The following KLF7 variants were observed in gnomAD, a reference collection of about 807,000 sequenced individuals.
The protein encoded by KLF7 is Krueppel-like factor 7.
KLF7 carries 2 observed loss-of-function variants against 27.3 expected under a neutral mutation model. That is an observed-to-expected ratio of 0.07 (90% CI 0.03 to 0.23). The LOEUF (loss-of-function observed/expected upper bound fraction) is 0.23, where lower values mean the gene tolerates loss of function less well. Among genes scored for constraint, KLF7 ranks in the 10% least tolerant of loss-of-function variants. The pLI, the probability that KLF7 is intolerant of heterozygous loss-of-function variation, is 1.00. For synonymous variants in KLF7, 165 were observed against 162.4 expected (o/e 1.02, Z -0.12); for missense variants, 221 against 394.1 (o/e 0.56, Z 3.72).
intron 1 of KLF7, among the ~76,000 whole-genome samples, chr2:207,130,307 C>T (rs1034161306): frequency 6.6e-6 from 1 of 152,226 alleles, no homozygotes; most frequent in Non-Finnish European, 1.5e-5. Context: ...AGAAAATACG[C>T]TGACTGTCAA....
chr2:207,166,262 G>C (rs752374899), upstream of KLF7: 603 of 884,276 alleles, frequency 6.8e-4, 1 homozygote, highest in Non-Finnish European at 6.9e-4. Flanking sequence ...CCTGGGGCGG[G>C]GCTTGGCCCT....
chr2:207,103,074 C>G (rs1468189918), intron 2 of KLF7, among the ~76,000 whole-genome samples: 1 of 152,042 alleles, frequency 6.6e-6, no homozygotes, highest in African/African-American at 2.4e-5. Context: ...ATTACAGGTG[C>G]CCGCCACCAC....
At chr2:207,123,441 C>T (rs2077393046) in intron 2 of KLF7, among the ~76,000 whole-genome samples, 1 of 152,134 alleles carries the variant, frequency 6.6e-6, no homozygotes, top group Admixed American at 6.5e-5. Context: ...TGGAGCTACA[C>T]TCATAAAACA....
At chr2:207,116,912 T>C (rs1270115236) in intron 2 of KLF7, among the ~76,000 whole-genome samples, 1 of 152,190 alleles carries the variant, frequency 6.6e-6, no homozygotes, top group African/African-American at 2.4e-5. Flanking sequence ...TGAGATCAAG[T>C]TCCAAATATA....
At chr2:207,132,672 G>A (rs145245680) in intron 1 of KLF7, among the ~76,000 whole-genome samples, 1 of 152,300 alleles carries the variant, frequency 6.6e-6, no homozygotes, top group African/African-American at 2.4e-5. Context: ...TAGTTGCAGT[G>A]CATAAAAGAA....
In KLF7 at chr2:207,080,871, T is replaced by C. The variant is rs567831952; in HGVS notation, c.*342A>G. Reference sequence around the variant, plus strand: ...TCACATCCATTTTCTTTGATTTCCATTGGCAACAGCGGGAAATAATTCCAA... The same window carrying C: ...TCACATCCATTTTCTTTGATTTCCACTGGCAACAGCGGGAAATAATTCCAA... On this transcript the variant is annotated 3_prime_UTR_variant, in exon 4 of 4. Coordinates refer to ENST00000309446, the MANE Select transcript of KLF7 (RefSeq NM_003709.4). The C allele has an allele frequency of 1.1e-4, 44 of 416,054 alleles. No individual in the cohort carries two copies. The East Asian group carries it at 1.1e-3, about 11-fold the overall frequency. The allele number at this position is 416,054 out of a possible 1,614,324, so 25.8% of individuals were successfully genotyped here.
chr2:207,075,515 C>T lies in KLF7; in HGVS notation c.*5698G>A, dbSNP rs945065324. On this transcript the variant is annotated 3_prime_UTR_variant, in exon 4 of 4. Transcript: ENST00000309446. ...GAGACGGGGCTGGGAGTAGGTCTCT[C>T]CAAACACACTTGTTAGACACATCTG... 6 of 151,796 alleles carry T rather than the reference C, an allele frequency of 4.0e-5. No individual in the cohort carries two copies. Among genetic ancestry groups the T allele is most frequent in the Non-Finnish European group, 5.9e-5 (4 of 67,956 alleles). 9.4% of individuals were successfully genotyped at this position (151,796 alleles called of 1,614,324 possible).
rs184606688 is a variant in KLF7, at chr2:207,124,422, A to G, written c.103-18T>C. 4 of 1,536,414 alleles carry G rather than the reference A, an allele frequency of 2.6e-6. No homozygotes were observed. The East Asian group carries it at 9.1e-5, about 35-fold the overall frequency. On this transcript the variant is annotated intron_variant, in intron 1 of 3. Coordinates refer to ENST00000309446, the MANE Select transcript of KLF7 (RefSeq NM_003709.4). ...AGGCATGTCTGCAAGAGGAAGAAGG[A>G]GGGAGAGAAACAGCCATCAGAGGCA...
chr2:207,116,169 C>T (rs1386727296), intron 2 of KLF7, among the ~76,000 whole-genome samples: 1 of 152,230 alleles, frequency 6.6e-6, no homozygotes, highest in Non-Finnish European at 1.5e-5. Context: ...TGTCATCTGA[C>T]ACATTCTGCC....
At chr2:207,088,661 G>C in intron 2 of KLF7, 80 bp from the exon 3 acceptor site, 3 of 1,495,720 alleles carry the variant, frequency 2.0e-6, no homozygotes, top group Non-Finnish European at 2.7e-6. Context: ...CTGCCTGCTG[G>C]TCAGGCTTGG....
At chr2:207,088,359 G>T in intron 3 of KLF7, 99 bp downstream of exon 3, 1 of 1,393,696 alleles carries the variant, frequency 7.2e-7, no homozygotes, top group Non-Finnish European at 9.7e-7. Flanking sequence ...GTGTCTGTGA[G>T]TCAGACCTGT....
At chr2:207,136,091 G>C (rs551539809) in intron 1 of KLF7, among the ~76,000 whole-genome samples, 2 of 152,118 alleles carry the variant, frequency 1.3e-5, no homozygotes, top group Non-Finnish European at 2.9e-5. Context: ...TCTGGCCTGG[G>C]AATCAGGTTC....
intron 1 of KLF7, among the ~76,000 whole-genome samples, chr2:207,164,822 A>C (rs2078655422): frequency 6.6e-6 from 1 of 152,194 alleles, no homozygotes; most frequent in Non-Finnish European, 1.5e-5. Context: ...GAGGGATCAC[A>C]CTGGGAAAAC....
Position 207,080,574 on chromosome 2 carries a change from A to G in KLF7, c.*639T>C, listed in dbSNP as rs1289428558. 1 of 353,228 alleles carries G rather than the reference A, an allele frequency of 2.8e-6. No individual in the cohort carries two copies. Among genetic ancestry groups the G allele is most frequent in the African/African-American group, 2.1e-5 (1 of 47,728 alleles). 21.9% of individuals were successfully genotyped at this position (353,228 alleles called of 1,614,324 possible). A position where few individuals can be genotyped will look rare whatever the true frequency, so the allele number is the denominator to read the frequency against. The stretch of plus-strand genomic sequence containing the variant: ...GTTGGGATCGACGCGAAAGATCTCA[A>G]TAGTACTAAGAACCAAAACCAGTCA... On this transcript the variant is annotated 3_prime_UTR_variant, in exon 4 of 4. Coordinates refer to ENST00000309446, the MANE Select transcript of KLF7 (RefSeq NM_003709.4).
Position 207,079,177 on chromosome 2 carries a change from G to C in KLF7, c.*2036C>G, listed in dbSNP as rs2076227877. On this transcript the variant is annotated 3_prime_UTR_variant, in exon 4 of 4. Transcript: ENST00000309446. The stretch of plus-strand genomic sequence containing the variant: ...AAATGCCCCAAGTGTCCAATTGGCA[G>C]CTATAGCATTTGTGAGGAGGTTCCT... 1 of 151,914 alleles carries C rather than the reference G, an allele frequency of 6.6e-6. No individual in the cohort carries two copies. Among genetic ancestry groups the C allele is most frequent in the South Asian group, 2.1e-4 (1 of 4,826 alleles). The allele number at this position is 151,914 out of a possible 1,614,324, so 9.4% of individuals were successfully genotyped here.
At chr2:207,116,180 C>T (rs1243977134) in intron 2 of KLF7, among the ~76,000 whole-genome samples, 2 of 152,150 alleles carry the variant, frequency 1.3e-5, no homozygotes, top group South Asian at 2.1e-4. Context: ...ACATTCTGCC[C>T]CTGGTGGACC....
intron 1 of KLF7, among the ~76,000 whole-genome samples, chr2:207,150,139 CAT>C (rs759200748): frequency 1.7e-3 from 254 of 152,262 alleles, no homozygotes; most frequent in South Asian, 6.0e-3. Context: ...TACAAATGCA[CAT>C]GATTGTTTCA....
intron 1 of KLF7, among the ~76,000 whole-genome samples, chr2:207,147,262 A>T (rs1019666298): frequency 6.6e-6 from 1 of 152,212 alleles, no homozygotes; most frequent in Non-Finnish European, 1.5e-5. Flanking sequence ...ACAGAAACAC[A>T]GGATAACATA....
chr2:207,134,154 A>ATTC, intron 1 of KLF7: 1 of 1,141,046 alleles, frequency 8.8e-7, no homozygotes, highest in East Asian at 3.0e-5. Context: ...GGCTACTGGG[A>ATTC]TTTTTTTTTT....
Sources: gnomAD v4.1 joint callset for allele counts (sites outside exome capture counted in the v4.1 genomes callset) on GRCh38, gnomAD v4.1.1 for gene constraint, MANE v1.5 for transcripts, NCBI Gene and HGNC (gene_info 2026-07-23, HGNC 2026-07-21) for gene names.